The following PCDHGB6 variants were observed in gnomAD, a reference collection of about 807,000 sequenced individuals.
The protein encoded by PCDHGB6 is protocadherin gamma subfamily B, 6, also known as protocadherin gamma-B6.
A neutral mutation model predicts 59.1 loss-of-function variants in PCDHGB6; 51 were observed. That is an observed-to-expected ratio of 0.86 (90% confidence interval 0.69 to 1.09). The LOEUF is 1.09. Among genes scored for constraint, PCDHGB6 ranks in the 50% least tolerant of loss-of-function variants. The probability of loss-of-function intolerance (pLI) is 0.00; values close to 1 mark genes in which losing one functional copy is unlikely to be tolerated. For synonymous variants in PCDHGB6, 466 were observed against 495.1 expected (o/e 0.94, Z 0.78); for missense variants, 1,148 against 1,205.1 (o/e 0.95, Z 0.70).
In PCDHGB6 at chr5:141,408,475, CCGT is replaced by C; in HGVS notation, c.274_276del (p.Arg92del). ...ACTTACTTGTGAAGAACCGAATAGA[CCGT>C]GAGCAAATATGCAAAGAGAGAAGAA... On this transcript the variant is annotated inframe_deletion, in exon 1 of 4. Coordinates refer to ENST00000520790, the MANE Select transcript of PCDHGB6 (RefSeq NM_018926.3). 6.2e-7 allele frequency: 1 copy of C among 1,614,032 alleles called. No individual in the cohort carries two copies. Among genetic ancestry groups the C allele is most frequent in the Non-Finnish European group, 8.5e-7 (1 of 1,179,906 alleles).
At chr5:141,418,045 G>A (rs754041387) in intron 1 of PCDHGB6, 2 of 1,614,002 alleles carry the variant, frequency 1.2e-6, no homozygotes, top group East Asian at 2.2e-5. Flanking sequence ...TGGATGTGTC[G>A]GCTCGCGAGC....
At position 141,454,796 on chromosome 5, in the gene PCDHGB6, A is replaced by ATTTTTTTTTTTTTTTTTTTT. The variant is rs61612330; in HGVS notation, c.2419-40001_2419-39982dup. Among the ~76,000 whole-genome samples, 20 of 77,456 alleles carry ATTTTTTTTTTTTTTTTTTTT rather than the reference A, an allele frequency of 2.6e-4. 2 individuals carry two copies. Among genetic ancestry groups the ATTTTTTTTTTTTTTTTTTTT allele is most frequent in the South Asian group, 5.1e-4 (1 of 1,960 alleles). The allele number at this position is 77,456 out of a possible 152,430, so 50.8% of individuals were successfully genotyped here. On this transcript the variant is annotated intron_variant, in intron 1 of 3. Transcript: ENST00000520790. Reference sequence around the variant, plus strand: ...AAGGAAATAATCCTCCATGGTTCTAATTTTTTTTTTTTTTTTTTTTTTTTT... The same window carrying ATTTTTTTTTTTTTTTTTTTT: ...AAGGAAATAATCCTCCATGGTTCTAATTTTTTTTTTTTTTTTTTTTTTTTTTTTTTTTTTTTTTTTTTTTT...
intron 1 of PCDHGB6, among the ~76,000 whole-genome samples, chr5:141,451,571 A>G (rs2098719323): frequency 6.6e-6 from 1 of 152,188 alleles, no homozygotes; most frequent in Non-Finnish European, 1.5e-5. Context: ...CAATCTTTTT[A>G]TAAACCTAAT....
At chr5:141,421,613 A>G in intron 1 of PCDHGB6, 2 of 1,613,838 alleles carry the variant, frequency 1.2e-6, no homozygotes, top group South Asian at 2.2e-5. Flanking sequence ...GATATTAATG[A>G]TAACGCCCCC....
chr5:141,485,922 G>C lies in PCDHGB6; in HGVS notation c.2419-8885G>C. 6.2e-7 allele frequency: 1 copy of C among 1,614,170 alleles called. No individual in the cohort carries two copies. The highest frequency in any genetic ancestry group is 8.5e-7 in the Non-Finnish European group (1 of 1,180,036). On this transcript the variant is annotated intron_variant, in intron 1 of 3. Transcript: ENST00000520790. This position sits in a 1 kb window ranked among gnomAD's most constrained non-coding sequence, Gnocchi z 5.7. The stretch of plus-strand genomic sequence containing the variant: ...TTCCAGCAATCCAGCTACAGGATTA[G>C]TGTGTTGGAGAGCGCACCAGCGGGC...
chr5:141,467,057 T>TG, intron 1 of PCDHGB6, among the ~76,000 whole-genome samples: 1 of 144,752 alleles, frequency 6.9e-6, no homozygotes, highest in Non-Finnish European at 1.5e-5. Context: ...AATGTTTTCT[T>TG]TTTTTTTTTT....
rs1173306822 is a variant in PCDHGB6 at position 141,431,115 on chromosome 5, T to C, written c.2418+20495T>C. The C allele has an allele frequency of 9.3e-6, 15 of 1,613,492 alleles. No individual in the cohort carries two copies. The highest frequency in any genetic ancestry group is 1.3e-5 in the Non-Finnish European group (15 of 1,179,878). On this transcript the variant is annotated intron_variant, in intron 1 of 3. Coordinates refer to ENST00000520790, the MANE Select transcript of PCDHGB6 (RefSeq NM_018926.3). The surrounding 1 kb of genome is among the most constrained non-coding windows in gnomAD (Gnocchi z 4.8). The stretch of plus-strand genomic sequence containing the variant: ...GAGGATAAAGTGAAAATATATGGAG[T>C]AGAAGTAGAAGTAAGGGACATTAAC...
intron 1 of PCDHGB6, among the ~76,000 whole-genome samples, chr5:141,459,838 A>G (rs944807247): frequency 6.6e-6 from 1 of 152,098 alleles, no homozygotes; most frequent in Non-Finnish European, 1.5e-5. Flanking sequence ...TGTGTTGTCT[A>G]TTTGTATATC....
chr5:141,466,819 C>A (rs2099130454), intron 1 of PCDHGB6, among the ~76,000 whole-genome samples: 1 of 152,068 alleles, frequency 6.6e-6, no homozygotes, highest in Non-Finnish European at 1.5e-5. Context: ...CATGGTATAA[C>A]AAGTTAGTAT....
In PCDHGB6 at chr5:141,477,891, G is replaced by T. The variant is rs750359063; in HGVS notation, c.2419-16916G>T. 10 of 1,614,066 alleles carry T rather than the reference G, an allele frequency of 6.2e-6. No individual in the cohort carries two copies. The African/African-American group carries it at 1.2e-4, about 19-fold the overall frequency. ...ACCTCAGCTGGCCACCTAGTGTCAC[G>T]GGTGGTAGGCTGGGACGCGGATGCA... is the stretch of plus-strand genomic sequence containing the variant. On this transcript the variant is annotated intron_variant, in intron 1 of 3. Coordinates refer to ENST00000520790, the MANE Select transcript of PCDHGB6 (RefSeq NM_018926.3). This position sits in a 1 kb window ranked among gnomAD's most constrained non-coding sequence, Gnocchi z 4.9.
intron 1 of PCDHGB6, chr5:141,427,524 C>T (rs1421119651): frequency 1.6e-6 from 1 of 610,726 alleles, no homozygotes; most frequent in South Asian, 1.5e-5. Flanking sequence ...GGAGCGGATC[C>T]CGGAGTACAA....
Position 141,491,925 on chromosome 5 carries a change from G to C in PCDHGB6, c.2419-2882G>C. On this transcript the variant is annotated intron_variant, in intron 1 of 3. Coordinates refer to ENST00000520790, the MANE Select transcript of PCDHGB6 (RefSeq NM_018926.3). This position sits in a 1 kb window ranked among gnomAD's most constrained non-coding sequence, Gnocchi z 6.9. ...GGGTGGTGGCGACTGTGGGCGAGGG[G>C]AGGTGGGACCGACCCCCACCCCTAC... 1 of 1,325,176 alleles carries C rather than the reference G, an allele frequency of 7.5e-7. No individual in the cohort carries two copies. Among genetic ancestry groups the C allele is most frequent in the Non-Finnish European group, 1.0e-6 (1 of 987,300 alleles). The allele number at this position is 1,325,176 out of a possible 1,614,324, so 82.1% of individuals were successfully genotyped here.
chr5:141,479,269 A>C (rs1279389471), intron 1 of PCDHGB6: 1 of 152,374 alleles, frequency 6.6e-6, no homozygotes, highest in Non-Finnish European at 1.5e-5. Context: ...TAAAAGTAAT[A>C]ATTTATTTCA....
chr5:141,492,125 C>T (rs1284932830), intron 1 of PCDHGB6, among the ~76,000 whole-genome samples: 1 of 152,222 alleles, frequency 6.6e-6, no homozygotes, highest in Non-Finnish European at 1.5e-5. Context: ...TTCTCCCCAG[C>T]TCCCAGCATC....
rs1393235114 is a variant in PCDHGB6, at chr5:141,476,581, G to T, written c.2419-18226G>T. ...CCGTGGCTCCGGGGACGCGCTTTCC[G>T]CTCGAGAGCGCGCACGATCCCGATG... On this transcript the variant is annotated intron_variant, in intron 1 of 3. Transcript: ENST00000520790. This position sits in a 1 kb window ranked among gnomAD's most constrained non-coding sequence, Gnocchi z 7.6. 8.7e-6 allele frequency: 14 copies of T among 1,614,112 alleles called. No homozygotes were observed. The Admixed American group carries it at 2.2e-4, about 25-fold the overall frequency.
At chr5:141,480,085 A>G (rs2099512286) in intron 1 of PCDHGB6, among the ~76,000 whole-genome samples, 1 of 152,216 alleles carries the variant, frequency 6.6e-6, no homozygotes, top group Admixed American at 6.5e-5. Context: ...TGCATGATAT[A>G]ATGTATGCAA....
chr5:141,421,748 G>C, intron 1 of PCDHGB6: 1 of 1,613,944 alleles, frequency 6.2e-7, no homozygotes, highest in Non-Finnish European at 8.5e-7. Flanking sequence ...TACCAGCTCA[G>C]CCCTAATAAT....
At position 141,409,037 on chromosome 5, in the gene PCDHGB6, T is replaced by G. The variant is rs770619339; in HGVS notation, c.835T>G (p.Tyr279Asp). 2 of 1,613,992 alleles carry G rather than the reference T, an allele frequency of 1.2e-6. No homozygotes were observed. Among genetic ancestry groups the G allele is most frequent in the South Asian group, 2.2e-5 (2 of 91,082 alleles). The stretch of plus-strand genomic sequence containing the variant: ...TGAGGGGGTCAATGCTGAGATAAAC[T>G]ACTACTTCCGAAGCACTGCCCAGAG... ...QDEGVNAEIN[Y>D]YFRSTAQSTK... The change falls in exon 1 of 4, where the codon TAC (tyrosine) becomes GAC (aspartate). Residue 279 changes from tyrosine to aspartate, a missense_variant. This residue lies in a region of PCDHGB6 where 549 missense variants were observed against 527.5 expected (regional missense o/e 1.04). Coordinates refer to ENST00000520790, the MANE Select transcript of PCDHGB6 (RefSeq NM_018926.3).
At chr5:141,453,240 A>G (rs1470706774) in intron 1 of PCDHGB6, among the ~76,000 whole-genome samples, 1 of 152,020 alleles carries the variant, frequency 6.6e-6, no homozygotes, top group African/African-American at 2.4e-5. Context: ...CAGCCTCCCA[A>G]ATAGCTGGGG....
Sources: allele counts gnomAD v4.1 joint callset (sites outside exome capture counted in the v4.1 genomes callset), GRCh38; gene constraint gnomAD v4.1.1; regional missense constraint gnomAD v4.1.1; non-coding constraint Gnocchi (gnomAD v3.1); transcripts MANE v1.5; gene names NCBI Gene and HGNC (gene_info 2026-07-23, HGNC 2026-07-21).